Variants in GRM1 observed in about 807,000 individuals in gnomAD.
GRM1 encodes the protein glutamate metabotropic receptor 1.
GRM1 carries 33 observed loss-of-function variants against 90.9 expected under a neutral mutation model. The ratio of observed to expected loss-of-function variants is 0.36; its 90% confidence interval spans 0.28 to 0.49. The LOEUF (loss-of-function observed/expected upper bound fraction) is 0.49. Among genes scored for constraint, GRM1 ranks in the 20% least tolerant of loss-of-function variants. The pLI, the probability that GRM1 is intolerant of heterozygous loss-of-function variation, is 0.99. For synonymous variants in GRM1, 700 were observed against 613.2 expected (o/e 1.14, Z -2.09); for missense variants, 1,190 against 1,534.3 (o/e 0.78, Z 3.75).
intron 1 of GRM1, among the ~76,000 whole-genome samples, chr6:146,068,837 T>G (rs1032686244): frequency 1.3e-5 from 2 of 152,184 alleles, no homozygotes; most frequent in African/African-American, 2.4e-5. Context: ...TAATAGCACC[T>G]CCTCATTTAA....
At chr6:146,431,607 AACACAC>A (rs3838249) in intron 7 of GRM1, among the ~76,000 whole-genome samples, 1 of 151,516 alleles carries the variant, frequency 6.6e-6, no homozygotes, top group Admixed American at 6.6e-5. Flanking sequence ...TTGTTGTTTT[AACACAC>A]ACACACACAC....
Position 146,029,788 on chromosome 6 carries a change from G to T in GRM1, c.271G>T (p.Ala91Ser). 6.2e-7 allele frequency: 1 copy of T among 1,614,084 alleles called. No individual in the cohort carries two copies. The highest frequency in any genetic ancestry group is 8.5e-7 in the Non-Finnish European group (1 of 1,179,980). ...AMFHTLDKINADPVLLPNITL... is the reference protein window; with the variant it reads ...AMFHTLDKINSDPVLLPNITL... ...GTTCCACACGTTGGATAAGATCAACGCGGACCCGGTCCTCCTGCCCAACAT... is the reference window on the plus strand; with the variant it reads ...GTTCCACACGTTGGATAAGATCAACTCGGACCCGGTCCTCCTGCCCAACAT... Residue 91 changes from alanine (A) to serine (S), a missense_variant, in exon 1 of 8, where the codon GCG becomes TCG. Ala to Ser is a moderately conservative substitution (Grantham distance 99). Coordinates refer to ENST00000282753, the MANE Select transcript of GRM1 (RefSeq NM_001278064.2).
At chr6:146,254,004 G>T (rs1019966780) in intron 2 of GRM1, among the ~76,000 whole-genome samples, 1 of 151,936 alleles carries the variant, frequency 6.6e-6, no homozygotes. Context: ...TCCCAGGATA[G>T]TTATGAGGTT....
At chr6:146,041,741 G>C (rs1791115773) in intron 1 of GRM1, among the ~76,000 whole-genome samples, 1 of 151,912 alleles carries the variant, frequency 6.6e-6, no homozygotes, top group South Asian at 2.1e-4. Context: ...CGAATTCTGG[G>C]TTATTGGTGA....
intron 1 of GRM1, among the ~76,000 whole-genome samples, chr6:146,157,601 G>A (rs530760015): frequency 1.1e-4 from 16 of 152,234 alleles, no homozygotes; most frequent in Admixed American, 5.2e-4. Context: ...GGGACAATGA[G>A]GTCAGGGGTA....
intron 2 of GRM1, among the ~76,000 whole-genome samples, chr6:146,193,614 G>A (rs1779005679): frequency 6.6e-6 from 1 of 152,162 alleles, no homozygotes; most frequent in Non-Finnish European, 1.5e-5. Flanking sequence ...GGAAGCAAAA[G>A]TGTGAGATAC....
intron 7 of GRM1, among the ~76,000 whole-genome samples, chr6:146,426,287 G>A (rs1297178233): frequency 6.6e-6 from 1 of 151,970 alleles, no homozygotes; most frequent in East Asian, 1.9e-4. Context: ...ACAGTGGAGG[G>A]AAAGAGCAAA....
chr6:146,068,410 G>A (rs1364710793), intron 1 of GRM1, among the ~76,000 whole-genome samples: 2 of 152,162 alleles, frequency 1.3e-5, no homozygotes, highest in Non-Finnish European at 2.9e-5. Flanking sequence ...ACCGCGCCCG[G>A]CCTCAAATAA....
rs1562679689 is a variant in GRM1 at position 146,410,884 on chromosome 6, A to G, written c.2660+11185A>G. On this transcript the variant is annotated intron_variant, in intron 7 of 7. Transcript: ENST00000282753. ...AGTATGTGAAGCCAAAAGTTATTTC[A>G]GGGCTAATCCTAGTATAAAATCACT... is the stretch of plus-strand genomic sequence containing the variant. Among the ~76,000 whole-genome samples, 6 of 152,340 alleles carry G rather than the reference A, an allele frequency of 3.9e-5. No homozygotes were observed. The South Asian group carries it at 1.2e-3, about 32-fold the overall frequency.
chr6:146,379,897 C>T (rs1485380844), intron 5 of GRM1, among the ~76,000 whole-genome samples: 1 of 151,646 alleles, frequency 6.6e-6, no homozygotes, highest in Non-Finnish European at 1.5e-5. Context: ...CTCTTGTTCT[C>T]TTCCCTTACT....
intron 1 of GRM1, among the ~76,000 whole-genome samples, chr6:146,037,983 T>A (rs979181682): frequency 1.3e-5 from 2 of 152,004 alleles, no homozygotes; most frequent in African/African-American, 2.4e-5. Flanking sequence ...ACCTCCATAT[T>A]TGTGCTTGTT....
chr6:146,066,431 T>C (rs1217341466), intron 1 of GRM1, among the ~76,000 whole-genome samples: 1 of 152,214 alleles, frequency 6.6e-6, no homozygotes, highest in Non-Finnish European at 1.5e-5. Context: ...CTCCATGCAC[T>C]ACATTTTCTT....
chr6:146,248,440 G>A (rs1050749774), intron 2 of GRM1, among the ~76,000 whole-genome samples: 3 of 152,152 alleles, frequency 2.0e-5, no homozygotes, highest in South Asian at 2.1e-4. Flanking sequence ...GTGATAGTGA[G>A]GGAGTTCTCA....
At position 146,121,127 on chromosome 6, in the gene GRM1, T is replaced by C. The variant is rs184437251; in HGVS notation, c.701-38221T>C. Among the ~76,000 whole-genome samples, 268 of 152,300 alleles carry C rather than the reference T, an allele frequency of 1.8e-3. 1 individual carries two copies. Among genetic ancestry groups the C allele is most frequent in the African/African-American group, 6.1e-3 (255 of 41,562 alleles). On this transcript the variant is annotated intron_variant, in intron 1 of 7. Transcript: ENST00000282753. ...CTTCAATTTCAGAGCCTCTTATTGG[T>C]CTATTCAGAGGTTCAACTTCTTCCT...
chr6:146,221,240 G>A (rs577744362), intron 2 of GRM1, among the ~76,000 whole-genome samples: 5 of 152,180 alleles, frequency 3.3e-5, no homozygotes, highest in East Asian at 1.9e-4. Flanking sequence ...TGTGCAGAAC[G>A]TGCAGGTTTG....
chr6:146,027,920 C>T (rs961598067), upstream of GRM1: 3 of 152,328 alleles, frequency 2.0e-5, no homozygotes, highest in African/African-American at 4.8e-5. Flanking sequence ...GGCGCATTCT[C>T]GCTTATGTAT....
intron 1 of GRM1, among the ~76,000 whole-genome samples, chr6:146,100,824 G>A (rs1267435366): frequency 1.3e-5 from 2 of 152,198 alleles, no homozygotes; most frequent in Non-Finnish European, 2.9e-5. Context: ...TTTCAGGAGA[G>A]AGTAGTTGCA....
intron 2 of GRM1, among the ~76,000 whole-genome samples, chr6:146,216,674 G>T (rs1042279346): frequency 5.9e-5 from 9 of 152,218 alleles, no homozygotes; most frequent in Non-Finnish European, 1.3e-4. Context: ...ATTTAGCATG[G>T]AAGAGTCCTG....
At chr6:146,230,107 T>C (rs1780392910) in intron 2 of GRM1, among the ~76,000 whole-genome samples, 1 of 152,212 alleles carries the variant, frequency 6.6e-6, no homozygotes, top group South Asian at 2.1e-4. Flanking sequence ...TTATTGGCAT[T>C]GCAAGACTGA....
Sources: allele counts gnomAD v4.1 joint callset (sites outside exome capture counted in the v4.1 genomes callset), GRCh38; gene constraint gnomAD v4.1.1; transcripts MANE v1.5; gene names NCBI Gene and HGNC (gene_info 2026-07-23, HGNC 2026-07-21).